The following PDE3A variants were observed in gnomAD, a reference collection of about 807,000 sequenced individuals.
PDE3A encodes the protein cGMP-inhibited 3',5'-cyclic phosphodiesterase 3A.
PDE3A carries 43 observed loss-of-function variants against 98.3 expected under a neutral mutation model. The observed-to-expected ratio is 0.44, with a 90% CI of 0.34 to 0.56. The LOEUF is 0.56. Among genes scored for constraint, PDE3A ranks in the 20% least tolerant of loss-of-function variants. The pLI is 0.01. For missense variants in PDE3A, 1,427 were observed against 1,440.7 expected (o/e 0.99, Z 0.15); for synonymous variants, 663 against 567.9 (o/e 1.17, Z -2.38).
intron 2 of PDE3A, among the ~76,000 whole-genome samples, chr12:20,594,950 C>T (rs936870144): frequency 4.6e-5 from 7 of 151,852 alleles, no homozygotes; most frequent in Non-Finnish European, 1.0e-4. Flanking sequence ...ATTATTACCA[C>T]CTATTTATCT....
rs148802573 is a variant in PDE3A, at chr12:20,597,176, T to C, written c.1012-16267T>C. Among the ~76,000 whole-genome samples, 27 of 152,296 alleles carry C rather than the reference T, an allele frequency of 1.8e-4. No individual in the cohort carries two copies. The East Asian group carries it at 4.1e-3, about 23-fold the overall frequency. ...CAAGAAATTATATTACAAACTGTAG[T>C]GTATTACACCTACCTGCCCTATATG... On this transcript the variant is annotated intron_variant, in intron 2 of 15. Coordinates refer to ENST00000359062, the MANE Select transcript of PDE3A (RefSeq NM_000921.5).
At chr12:20,522,770 G>A (rs934934309) in intron 1 of PDE3A, among the ~76,000 whole-genome samples, 3 of 152,106 alleles carry the variant, frequency 2.0e-5, no homozygotes, top group Admixed American at 6.5e-5. Flanking sequence ...GATCTCTGAT[G>A]TTACCTCATA....
At chr12:20,625,551 C>T (rs982534288) in intron 5 of PDE3A, among the ~76,000 whole-genome samples, 5 of 152,264 alleles carry the variant, frequency 3.3e-5, no homozygotes, top group African/African-American at 7.2e-5. Context: ...AAAAAATATT[C>T]GGGCTATCCA....
At chr12:20,635,439 G>A (rs111515453) in intron 8 of PDE3A, among the ~76,000 whole-genome samples, 4,551 of 152,098 alleles carry the variant, frequency 0.03, 211 homozygotes, top group African/African-American at 0.1. Context: ...TTAGCCGGGC[G>A]TGGTGGCACG....
chr12:20,574,317 G>A (rs149799794), intron 2 of PDE3A, among the ~76,000 whole-genome samples: 1 of 152,060 alleles, frequency 6.6e-6, no homozygotes, highest in African/African-American at 2.4e-5. Flanking sequence ...GTATAGTCCT[G>A]CAGGACTTCA....
intron 2 of PDE3A, among the ~76,000 whole-genome samples, chr12:20,562,774 A>G (rs1457688902): frequency 1.3e-5 from 2 of 152,292 alleles, no homozygotes; most frequent in East Asian, 3.9e-4. Context: ...GCTGGACTTA[A>G]AAGTACTTAC....
At chr12:20,666,440 C>A (rs565190283) in intron 15 of PDE3A, among the ~76,000 whole-genome samples, 1 of 152,282 alleles carries the variant, frequency 6.6e-6, no homozygotes, top group Non-Finnish European at 1.5e-5. Flanking sequence ...CCCAACCATA[C>A]ACCCTTCTCA....
intron 1 of PDE3A, among the ~76,000 whole-genome samples, chr12:20,389,821 C>T (rs1943880933): frequency 6.6e-6 from 1 of 151,898 alleles, no homozygotes; most frequent in Non-Finnish European, 1.5e-5. Flanking sequence ...TGGTAAAGTT[C>T]TGTCTTCCTG....
chr12:20,643,454 T>C (rs1944692394), intron 10 of PDE3A, among the ~76,000 whole-genome samples: 1 of 152,198 alleles, frequency 6.6e-6, no homozygotes, highest in Non-Finnish European at 1.5e-5. Flanking sequence ...GGCATAATAC[T>C]GAGTACATGC....
chr12:20,655,659 G>A (rs1209732545), intron 15 of PDE3A, among the ~76,000 whole-genome samples: 1 of 152,204 alleles, frequency 6.6e-6, no homozygotes, highest in Admixed American at 6.5e-5. Flanking sequence ...TGGAAGGTGG[G>A]ACTCTGTAGG....
At chr12:20,417,089 G>C (rs1159908531) in intron 1 of PDE3A, among the ~76,000 whole-genome samples, 1 of 152,108 alleles carries the variant, frequency 6.6e-6, no homozygotes, top group Admixed American at 6.5e-5. Flanking sequence ...TCTGCAACTA[G>C]AATTCATGCT....
chr12:20,441,728 T>A (rs911808071), intron 1 of PDE3A, among the ~76,000 whole-genome samples: 2 of 152,190 alleles, frequency 1.3e-5, no homozygotes, highest in Admixed American at 6.5e-5. Flanking sequence ...AGGATGTTTT[T>A]GAGCAGAGTG....
intron 1 of PDE3A, among the ~76,000 whole-genome samples, chr12:20,429,052 A>G (rs1297986425): frequency 6.6e-6 from 1 of 152,232 alleles, no homozygotes; most frequent in African/African-American, 2.4e-5. Flanking sequence ...ATACGTACAC[A>G]ACACTTAACA....
intron 1 of PDE3A, among the ~76,000 whole-genome samples, chr12:20,516,139 G>C (rs1946318801): frequency 6.6e-6 from 1 of 152,016 alleles, no homozygotes; most frequent in Non-Finnish European, 1.5e-5. Context: ...TGGGAGAAGT[G>C]ATAATTATTA....
chr12:20,532,783 G>A (rs1941640797), intron 1 of PDE3A, among the ~76,000 whole-genome samples: 1 of 150,936 alleles, frequency 6.6e-6, no homozygotes, highest in Non-Finnish European at 1.5e-5. Flanking sequence ...CCGCCTCCCG[G>A]GTTCACGCCA....
chr12:20,630,246 G>A, intron 6 of PDE3A, 119 bp downstream of exon 6: 2 of 687,316 alleles, frequency 2.9e-6, no homozygotes, highest in Non-Finnish European at 5.2e-6. Context: ...AGACAACCAA[G>A]TATAGGATAA....
chr12:20,568,831 A>G (rs1345505998), intron 2 of PDE3A, among the ~76,000 whole-genome samples: 1 of 152,056 alleles, frequency 6.6e-6, no homozygotes, highest in Non-Finnish European at 1.5e-5. Context: ...AATTTAGAGA[A>G]TATGGATAAA....
At chr12:20,622,944 G>A (rs1340821728) in intron 5 of PDE3A, among the ~76,000 whole-genome samples, 2 of 151,836 alleles carry the variant, frequency 1.3e-5, no homozygotes, top group Non-Finnish European at 2.9e-5. Flanking sequence ...TGAGTTAACA[G>A]AAACAAAAAT....
intron 10 of PDE3A, among the ~76,000 whole-genome samples, chr12:20,640,585 C>T (rs1187469790): frequency 2.6e-5 from 4 of 152,208 alleles, no homozygotes; most frequent in African/African-American, 9.6e-5. Flanking sequence ...CCAAGGAAAA[C>T]ACACAATCAA....
Sources: gnomAD v4.1 joint callset for allele counts (sites outside exome capture counted in the v4.1 genomes callset) on GRCh38, gnomAD v4.1.1 for gene constraint, MANE v1.5 for transcripts, NCBI Gene and HGNC (gene_info 2026-07-23, HGNC 2026-07-21) for gene names.